RALGPS1: variants seen among roughly 807,000 people sequenced by gnomAD.
The protein encoded by RALGPS1 is Ral GEF with PH domain and SH3 binding motif 1.
RALGPS1 carries 19 observed loss-of-function variants against 78.8 expected under a neutral mutation model. The ratio of observed to expected loss-of-function variants is 0.24; its 90% CI spans 0.17 to 0.35. RALGPS1 has a LOEUF of 0.35. Among genes scored for constraint, RALGPS1 ranks in the 10% least tolerant of loss-of-function variants. The pLI is 1.00. For missense variants in RALGPS1, 454 were observed against 688.3 expected (o/e 0.66, Z 3.81); for synonymous variants, 228 against 256.3 (o/e 0.89, Z 1.06).
chr9:127,134,004 G>A lies in RALGPS1; in HGVS notation c.611-32065G>A, dbSNP rs1387730845. Among the ~76,000 whole-genome samples the A allele has an allele frequency of 2.5e-5, 3 of 122,430 alleles. 1 individual carries two copies. In the South Asian group the frequency reaches 7.4e-4, roughly 30 times the overall value. 80.3% of individuals were successfully genotyped at this position (122,430 alleles called of 152,430 possible). On this transcript the variant is annotated intron_variant, in intron 8 of 18. Transcript: ENST00000259351. The stretch of plus-strand genomic sequence containing the variant: ...CCCCTTAGTAAATGCTCTTGTCCTC[G>A]CTCCCCCCCCCGTGAATGCTGTGAT...
intron 8 of RALGPS1, among the ~76,000 whole-genome samples, chr9:127,126,251 T>C (rs961363102): frequency 4.6e-5 from 7 of 152,220 alleles, no homozygotes; most frequent in Non-Finnish European, 1.0e-4. Context: ...TCCTTATTGT[T>C]GTTCCTGTAT....
rs57264470 is a variant in RALGPS1, at chr9:126,979,241, A to ATGTG, written c.216+1527_216+1530dup. On this transcript the variant is annotated intron_variant, in intron 4 of 18. Coordinates refer to ENST00000259351, the MANE Select transcript of RALGPS1 (RefSeq NM_014636.3). ...CAGTTATTTGTATTATTGTATTATT[A>ATGTG]TGTGTGTGTGTGTGTGTGTGTGTGT... Among the ~76,000 whole-genome samples the ATGTG allele has an allele frequency of 1.9e-3, 276 of 146,788 alleles. 2 individuals are homozygous for ATGTG. The East Asian group carries it at 0.022, about 12-fold the overall frequency.
chr9:127,192,647 G>C (rs1450730034), intron 11 of RALGPS1, among the ~76,000 whole-genome samples: 1 of 152,206 alleles, frequency 6.6e-6, no homozygotes, highest in East Asian at 1.9e-4. Context: ...GACAGGGCCA[G>C]ACCCTGTGTC....
intron 13 of RALGPS1, 84 bp downstream of exon 13, chr9:127,196,715 C>T: frequency 7.0e-7 from 1 of 1,423,012 alleles, no homozygotes; most frequent in South Asian, 1.4e-5. Context: ...GTCACTGTGC[C>T]ATGCCCAGTG....
intron 1 of RALGPS1, among the ~76,000 whole-genome samples, chr9:126,957,213 G>A (rs2038429541): frequency 6.6e-6 from 1 of 152,244 alleles, no homozygotes; most frequent in Admixed American, 6.5e-5. Flanking sequence ...GTAGCGTGGT[G>A]GTGCCCTTCA....
At chr9:126,921,516 A>T (rs1391714611) in intron 1 of RALGPS1, among the ~76,000 whole-genome samples, 3 of 152,252 alleles carry the variant, frequency 2.0e-5, no homozygotes, top group African/African-American at 4.8e-5. Flanking sequence ...GAAGACCCAG[A>T]ACAGCAAATA....
At chr9:127,178,304 C>G in intron 11 of RALGPS1, 1 of 366,336 alleles carries the variant, frequency 2.7e-6, no homozygotes, top group East Asian at 7.8e-5. Context: ...CAGCCTCCCC[C>G]GAACAGAAGT....
intron 4 of RALGPS1, among the ~76,000 whole-genome samples, chr9:127,030,765 G>A (rs2046366007): frequency 6.6e-6 from 1 of 152,248 alleles, no homozygotes; most frequent in Non-Finnish European, 1.5e-5. Context: ...AGGTCTCTGA[G>A]AAGGCAGAGG....
chr9:127,153,827 ATT>A (rs2058565798), intron 8 of RALGPS1, among the ~76,000 whole-genome samples: 1 of 152,206 alleles, frequency 6.6e-6, no homozygotes, highest in African/African-American at 2.4e-5. Context: ...GGAAGTCAGA[ATT>A]GAGTAAAATT....
At chr9:126,968,538 A>G (rs2039764445) in intron 3 of RALGPS1, among the ~76,000 whole-genome samples, 2 of 152,226 alleles carry the variant, frequency 1.3e-5, no homozygotes, top group Non-Finnish European at 2.9e-5. Flanking sequence ...AATGTTTTAC[A>G]TGCTTTATCT....
intron 8 of RALGPS1, among the ~76,000 whole-genome samples, chr9:127,103,787 G>A (rs1261400441): frequency 6.6e-6 from 1 of 152,196 alleles, no homozygotes; most frequent in Admixed American, 6.5e-5. Flanking sequence ...GAGCTAGAAG[G>A]TCAGGAAGTA....
intron 8 of RALGPS1, among the ~76,000 whole-genome samples, chr9:127,090,932 T>C (rs904204158): frequency 6.6e-5 from 10 of 152,210 alleles, no homozygotes; most frequent in Non-Finnish European, 1.5e-5. Context: ...TTCTGTTTTT[T>C]TCTCTTGTTT....
At chr9:127,071,797 T>A (rs2050225548) in intron 8 of RALGPS1, among the ~76,000 whole-genome samples, 1 of 152,248 alleles carries the variant, frequency 6.6e-6, no homozygotes, top group Admixed American at 6.5e-5. Context: ...CTTTTGTTTT[T>A]ATTTTTAAAA....
chr9:127,150,751 C>T (rs2058369642), intron 8 of RALGPS1, among the ~76,000 whole-genome samples: 1 of 152,198 alleles, frequency 6.6e-6, no homozygotes, highest in South Asian at 2.1e-4. Flanking sequence ...TCAGAGCTCA[C>T]CAGATGGGAT....
At chr9:127,158,154 A>G (rs2058808468) in intron 8 of RALGPS1, among the ~76,000 whole-genome samples, 1 of 152,184 alleles carries the variant, frequency 6.6e-6, no homozygotes. Flanking sequence ...GTTCTGGAAC[A>G]GTTTAAGTAA....
intron 1 of RALGPS1, among the ~76,000 whole-genome samples, chr9:126,930,356 T>C (rs1187669901): frequency 6.6e-6 from 1 of 152,140 alleles, no homozygotes; most frequent in African/African-American, 2.4e-5. Flanking sequence ...TTGGCAAAGA[T>C]TTAATGCAAT....
intron 4 of RALGPS1, among the ~76,000 whole-genome samples, chr9:126,993,542 T>C (rs2042454878): frequency 6.6e-6 from 1 of 152,166 alleles, no homozygotes; most frequent in African/African-American, 2.4e-5. Context: ...TTTTTTTTTT[T>C]TTCTTTTAAA....
intron 3 of RALGPS1, among the ~76,000 whole-genome samples, chr9:126,971,826 A>G (rs552396869): frequency 1.3e-5 from 2 of 152,224 alleles, no homozygotes; most frequent in Non-Finnish European, 2.9e-5. Flanking sequence ...TAGATATAGT[A>G]TGACTATAGG....
intron 4 of RALGPS1, among the ~76,000 whole-genome samples, chr9:126,985,644 C>T (rs529011031): frequency 1.1e-4 from 17 of 152,124 alleles, no homozygotes; most frequent in Non-Finnish European, 2.2e-4. Flanking sequence ...GACTGCTGGT[C>T]AAATTTTAAC....
Sources: gnomAD v4.1 joint callset for allele counts (sites outside exome capture counted in the v4.1 genomes callset) on GRCh38, gnomAD v4.1.1 for gene constraint, MANE v1.5 for transcripts, NCBI Gene and HGNC (gene_info 2026-07-23, HGNC 2026-07-21) for gene names.